KATNB1: variants seen among roughly 807,000 people sequenced by gnomAD.
KATNB1 encodes the protein katanin regulatory subunit B1, also known as katanin p80 WD40 repeat-containing subunit B1.
A neutral mutation model predicts 82.3 loss-of-function variants in KATNB1; 38 were observed. The ratio of observed to expected loss-of-function variants is 0.46; its 90% CI spans 0.36 to 0.61. The LOEUF (loss-of-function observed/expected upper bound fraction) is 0.61, where lower values mean the gene tolerates loss of function less well. Ranked by LOEUF, KATNB1 falls within the 20% of genes least tolerant of loss-of-function variation. The pLI is 0.00. For missense variants in KATNB1, 749 were observed against 915.7 expected (o/e 0.82, Z 2.35); for synonymous variants, 361 against 368.7 (o/e 0.98, Z 0.24).
chr16:57,750,613 A>G (rs536955818), intron 4 of KATNB1, among the ~76,000 whole-genome samples: 1 of 152,328 alleles, frequency 6.6e-6, no homozygotes, highest in East Asian at 1.9e-4. Flanking sequence ...GCGACAGAGC[A>G]AGACTCCTTT....
rs548452687 is a variant in KATNB1, at chr16:57,755,442, G to A, written c.1514G>A (p.Arg505His). ...ACCATGTGTGTGGTGCTCACCAGCC[G>A]CCACAAGAACCTGGACACTGTGCGG... ...HDTMCVVLTS[R>H]HKNLDTVRAV... The change falls in exon 16 of 20, where the codon CGC becomes CAC. Residue 505 changes from arginine (R) to histidine (H), a missense_variant. Around this residue, in one of 3 missense-constraint regions of KATNB1, gnomAD observed 407 missense variants for 434.7 expected, o/e 0.94. Transcript: ENST00000379661. 1.2e-6 allele frequency: 2 copies of A among 1,613,438 alleles called. No individual in the cohort carries two copies. The highest frequency in any genetic ancestry group is 1.3e-5 in the African/African-American group (1 of 75,072).
chr16:57,752,669 T>C, intron 9 of KATNB1, 68 bp downstream of exon 9: 4 of 1,545,438 alleles, frequency 2.6e-6, no homozygotes, highest in Non-Finnish European at 3.5e-6. Flanking sequence ...TGGGTGGGCC[T>C]TTCCCATCTC....
chr16:57,755,888 G>A lies in KATNB1; in HGVS notation c.1614G>A (p.Val538=), dbSNP rs782035941. The change falls in exon 17 of 20, where the codon GTG becomes GTA. Residue 538 remains valine, a synonymous_variant. Coordinates refer to ENST00000379661, the MANE Select transcript of KATNB1 (RefSeq NM_005886.3). ...AVAINDLSVV[V]DLLNIVNQKA... ...CCATCAACGACCTGTCGGTGGTGGT[G>A]GACCTCCTGAACATCGTCAACCAGA... 6.3e-6 allele frequency: 10 copies of A among 1,597,634 alleles called. No individual in the cohort carries two copies. The Admixed American group carries it at 1.5e-4, about 24-fold the overall frequency.
chr16:57,754,530 G>C (rs1224296131), intron 13 of KATNB1, among the ~76,000 whole-genome samples: 3 of 152,308 alleles, frequency 2.0e-5, no homozygotes, highest in South Asian at 4.1e-4. Flanking sequence ...GTTGGAGAAC[G>C]GGCAGGCATG....
chr16:57,753,174 A>T lies in KATNB1; in HGVS notation c.953A>T (p.Asp318Val), dbSNP rs782448916. The T allele has an allele frequency of 1.9e-6, 3 of 1,609,752 alleles. No individual in the cohort carries two copies. The highest frequency in any genetic ancestry group is 2.2e-5 in the East Asian group (1 of 44,842). Reference sequence around the variant, plus strand: ...ACGGTGGCCCGGGACCCTGTGCAGGACCACCGGCCCCTGGCACAGCCACTG... The same window carrying T: ...ACGGTGGCCCGGGACCCTGTGCAGGTCCACCGGCCCCTGGCACAGCCACTG... ...TGTVARDPVQ[D>V]HRPLAQPLPN... Residue 318 changes from aspartate to valine, a missense_variant, in exon 11 of 20, where the codon GAC (aspartate) becomes GTC (valine). This residue lies in a region of KATNB1 where 407 missense variants were observed against 434.7 expected (regional missense o/e 0.94). Transcript: ENST00000379661.
rs2049144654 is a variant in KATNB1 at position 57,741,769 on chromosome 16, T to C, written c.123T>C (p.Asp41=). The C allele has an allele frequency of 6.2e-7, 1 of 1,613,648 alleles. No individual in the cohort carries two copies. Among genetic ancestry groups the C allele is most frequent in the South Asian group, 1.1e-5 (1 of 91,082 alleles). ...GGCGGCTGCTGGCTACAGGCGGGGA[T>C]GACTGCCGCGTCAACCTGTGGTCCA... ...ASGRLLATGG[D]DCRVNLWSIN... The change falls in exon 3 of 20, where the codon GAT becomes GAC. Residue 41 remains aspartate, a synonymous_variant. Transcript: ENST00000379661.
intron 2 of KATNB1, among the ~76,000 whole-genome samples, chr16:57,741,469 T>C (rs2148789149): frequency 1.3e-5 from 2 of 152,276 alleles, no homozygotes; most frequent in Admixed American, 1.3e-4. Context: ...AAGACAGGCA[T>C]GATGAAAGTT....
intron 12 of KATNB1, 40 bp from the exon 13 acceptor site, chr16:57,753,905 G>A (rs1567902682): frequency 1.2e-6 from 2 of 1,609,302 alleles, no homozygotes. Context: ...AGGTGGCCTG[G>A]CCAGGAGCGC....
chr16:57,751,958 G>A lies in KATNB1; in HGVS notation c.535G>A (p.Gly179Ser), dbSNP rs1388866415. Reference sequence around the variant, plus strand: ...CCTCCAGCTCTGGGATCTCACTGCCGGCAAGATGATGTCTGAGTTCCCTGG... The same window carrying A: ...CCTCCAGCTCTGGGATCTCACTGCCAGCAAGATGATGTCTGAGTTCCCTGG... The part of the protein sequence containing the change: ...HTVKLWDLTA[G>S]KMMSEFPGHT... Residue 179 changes from glycine (G) to serine (S), a missense_variant, in exon 8 of 20, where the codon GGC becomes AGC. Gly to Ser is a moderately conservative substitution (Grantham distance 56). This residue lies in a region of KATNB1 where 247 missense variants were observed against 349.4 expected (regional missense o/e 0.71). Coordinates refer to ENST00000379661, the MANE Select transcript of KATNB1 (RefSeq NM_005886.3). The surrounding 1 kb of genome is among the most constrained non-coding windows in gnomAD (Gnocchi z 6.3). 6 of 1,613,628 alleles carry A rather than the reference G, an allele frequency of 3.7e-6. No homozygotes were observed. Among genetic ancestry groups the A allele is most frequent in the Admixed American group, 1.7e-5 (1 of 59,986 alleles).
chr16:57,752,897 T>C lies in KATNB1; in HGVS notation c.824T>C (p.Val275Ala), dbSNP rs782133721. ...FDVVLVNWGK[V>A]ADLAICNDQL... ...GTGGTCCTCGTCAACTGGGGCAAGG[T>C]GGCCGACCTGGCCATCTGCAATGAC... The change falls in exon 10 of 20, where the codon GTG becomes GCG. Residue 275 changes from valine to alanine, a missense_variant. Coordinates refer to ENST00000379661, the MANE Select transcript of KATNB1 (RefSeq NM_005886.3). 1 of 1,605,492 alleles carries C rather than the reference T, an allele frequency of 6.2e-7. No homozygotes were observed. The highest frequency in any genetic ancestry group is 8.5e-7 in the Non-Finnish European group (1 of 1,179,784).
At chr16:57,739,728 C>T (rs1466372181) in intron 2 of KATNB1, among the ~76,000 whole-genome samples, 1 of 152,158 alleles carries the variant, frequency 6.6e-6, no homozygotes, top group African/African-American at 2.4e-5. Context: ...CAGAAGGGCC[C>T]AACTTCTAAA....
rs929582509 is a variant in KATNB1 at position 57,756,631 on chromosome 16, G to A, written c.1835+159G>A. On this transcript the variant is annotated intron_variant, in intron 19 of 19. Transcript: ENST00000379661. The stretch of plus-strand genomic sequence containing the variant: ...CTCAGGGTGTGGGTGGGCTTAGCCA[G>A]AGCTGGGTTCCTCCATGGCCTGGCT... 6.6e-6 allele frequency: 8 copies of A among 1,215,668 alleles called. 1 individual carries two copies. In the Admixed American group the frequency reaches 1.7e-4, roughly 25 times the overall value. 75.3% of individuals were successfully genotyped at this position (1,215,668 alleles called of 1,614,324 possible). A position where few individuals can be genotyped will look rare whatever the true frequency, so the allele number is the denominator to read the frequency against.
intron 4 of KATNB1, among the ~76,000 whole-genome samples, chr16:57,744,872 G>C (rs143958844): frequency 6.6e-6 from 1 of 152,114 alleles, no homozygotes; most frequent in Non-Finnish European, 1.5e-5. Flanking sequence ...AGGTGGCTGC[G>C]TGGGACAGCC....
intron 8 of KATNB1, 46 bp from the exon 9 acceptor site, chr16:57,752,484 C>T: frequency 2.0e-6 from 3 of 1,523,576 alleles, no homozygotes; most frequent in Non-Finnish European, 1.8e-6. Flanking sequence ...ATGTGGAGGC[C>T]AGGATGAGGG....
chr16:57,739,425 G>A (rs1169300948), intron 2 of KATNB1, among the ~76,000 whole-genome samples: 1 of 152,186 alleles, frequency 6.6e-6, no homozygotes, highest in African/African-American at 2.4e-5. Context: ...TGGCCACGCC[G>A]CACCATGTTC....
intron 4 of KATNB1, among the ~76,000 whole-genome samples, chr16:57,746,699 A>G (rs982986136): frequency 2.0e-5 from 3 of 148,996 alleles, no homozygotes; most frequent in African/African-American, 7.4e-5. Flanking sequence ...CTGGAAATTC[A>G]TGTGCCTTGG....
chr16:57,736,798 C>T, intron 1 of KATNB1, 180 bp from the exon 2 acceptor site: 1 of 353,564 alleles, frequency 2.8e-6, no homozygotes, highest in South Asian at 2.2e-5. Context: ...TCCTTACGTT[C>T]CAAATCACCC....
intron 8 of KATNB1, 24 bp from the exon 9 acceptor site, chr16:57,752,506 A>T: frequency 6.4e-7 from 1 of 1,554,608 alleles, no homozygotes; most frequent in South Asian, 1.2e-5. Context: ...TAGGCTTCGC[A>T]GCACAGCTTG....
intron 12 of KATNB1, 141 bp downstream of exon 12, chr16:57,753,660 C>G (rs552583224): frequency 8.4e-7 from 1 of 1,196,768 alleles, no homozygotes; most frequent in African/African-American, 1.5e-5. Context: ...CCTGTCCTCA[C>G]GTTCCCTGGG....
Sources: gnomAD v4.1 joint callset for allele counts (sites outside exome capture counted in the v4.1 genomes callset) on GRCh38, gnomAD v4.1.1 for gene constraint, gnomAD v4.1.1 regional missense constraint, Gnocchi (gnomAD v3.1) non-coding constraint, MANE v1.5 for transcripts, NCBI Gene and HGNC (gene_info 2026-07-23, HGNC 2026-07-21) for gene names.